SNED1: variants seen among roughly 807,000 people sequenced by gnomAD.
The protein encoded by SNED1 is sushi, nidogen and EGF like domains 1.
Under a neutral mutation model 166.7 loss-of-function variants are expected in SNED1, and 81 were observed. That is an observed-to-expected ratio of 0.49 (90% CI 0.41 to 0.58). The LOEUF (loss-of-function observed/expected upper bound fraction) is 0.58, where lower values mean the gene tolerates loss of function less well. SNED1 is among the 20% of genes least tolerant of loss of function. The pLI, the probability that SNED1 is intolerant of heterozygous loss-of-function variation, is 0.00. For missense variants in SNED1, 1,604 were observed against 2,000.2 expected (o/e 0.80, Z 3.78); for synonymous variants, 762 against 822.0 (o/e 0.93, Z 1.25).
intron 20 of SNED1, 106 bp from the exon 21 acceptor site, chr2:241,065,193 G>C: frequency 8.5e-7 from 1 of 1,179,386 alleles, no homozygotes; most frequent in Non-Finnish European, 1.2e-6. Flanking sequence ...AGCGATGGCT[G>C]TGTCAGGCCC....
rs369639200 is a variant in SNED1, at chr2:241,063,627, G to A, written c.2412G>A (p.Gly804=). ...ECRAHPCRNG[G]SCRNLPGAYV... ...GAGCTCACCCGTGCAGAAATGGAGG[G>A]TCCTGCAGGAACCTCCCAGGGGCCT... The change falls in exon 18 of 32, where the codon GGG becomes GGA. Residue 804 remains glycine (G), a synonymous_variant. Transcript: ENST00000310397. The A allele has an allele frequency of 6.2e-7, 1 of 1,612,046 alleles. No homozygotes were observed. Among genetic ancestry groups the A allele is most frequent in the Non-Finnish European group, 8.5e-7 (1 of 1,179,158 alleles).
chr2:241,065,150 G>T, intron 20 of SNED1, 149 bp from the exon 21 acceptor site: 1 of 857,092 alleles, frequency 1.2e-6, no homozygotes, highest in South Asian at 1.7e-5. Context: ...CCCTCCTGGA[G>T]GTACGTGGCC....
Position 241,063,709 on chromosome 2 carries a change from T to C in SNED1, c.2485+9T>C. The C allele has an allele frequency of 6.5e-7, 1 of 1,546,548 alleles. No individual in the cohort carries two copies. The highest frequency in any genetic ancestry group is 8.9e-7 in the Non-Finnish European group (1 of 1,124,832). On this transcript the variant is annotated intron_variant, in intron 18 of 31. Coordinates refer to ENST00000310397, the MANE Select transcript of SNED1 (RefSeq NM_001080437.3). ...AGTCCACTGTGAGACAGGTAGGGGC[T>C]CCCTCCAGTGGGCCCCACATGCAGA...
At chr2:241,082,194 C>G (rs570785354) in intron 28 of SNED1, 83 bp from the exon 29 acceptor site, 1 of 1,154,644 alleles carries the variant, frequency 8.7e-7, no homozygotes, top group Admixed American at 2.0e-5. Context: ...CCCCCGGGCC[C>G]TCTCCCTTGG....
At chr2:241,059,158 A>G (rs2062155983) in intron 16 of SNED1, among the ~76,000 whole-genome samples, 1 of 152,228 alleles carries the variant, frequency 6.6e-6, no homozygotes, top group African/African-American at 2.4e-5. Flanking sequence ...CTTAGGGGAA[A>G]TGGATACCCT....
chr2:241,089,373 A>T, intron 31 of SNED1: 1 of 1,550,734 alleles, frequency 6.4e-7, no homozygotes, highest in Non-Finnish European at 8.7e-7. Flanking sequence ...TGCCTAAAAA[A>T]ATAAAGGAGA....
Position 241,013,055 on chromosome 2 carries a change from C to T in SNED1, c.213+14005C>T, listed in dbSNP as rs544442588. Among the ~76,000 whole-genome samples the T allele has an allele frequency of 1.3e-5, 2 of 152,064 alleles. No individual in the cohort carries two copies. The highest frequency in any genetic ancestry group is 2.4e-5 in the African/African-American group (1 of 41,418). On this transcript the variant is annotated intron_variant, in intron 1 of 31. Transcript: ENST00000310397. This position sits in a 1 kb window ranked among gnomAD's most constrained non-coding sequence, Gnocchi z 4.6. ...TTCACCATGTTAGCCAGGATGGTCT[C>T]GATCTCCTGACCTCGTGATCCGCCT...
At chr2:241,004,870 C>T (rs1157782158) in intron 1 of SNED1, among the ~76,000 whole-genome samples, 2 of 151,974 alleles carry the variant, frequency 1.3e-5, no homozygotes, top group Non-Finnish European at 1.5e-5. Context: ...TATAGGCGCC[C>T]ACGACCACAC....
intron 1 of SNED1, among the ~76,000 whole-genome samples, chr2:241,006,408 G>C (rs1011655761): frequency 6.6e-6 from 1 of 152,200 alleles, no homozygotes; most frequent in Non-Finnish European, 1.5e-5. Context: ...AAAGTGAAAA[G>C]AATGGTGAAC....
chr2:241,063,739 G>A, intron 18 of SNED1, 39 bp downstream of exon 18: 3 of 1,400,292 alleles, frequency 2.1e-6, no homozygotes, highest in Non-Finnish European at 3.0e-6. Context: ...TGCAGAGCCT[G>A]GGCCTCTGGA....
chr2:241,044,738 A>C (rs774754181), intron 8 of SNED1, among the ~76,000 whole-genome samples: 1 of 152,206 alleles, frequency 6.6e-6, no homozygotes, highest in African/African-American at 2.4e-5. Context: ...CTTCCTCTCC[A>C]GTTGGAGGTG....
At position 241,064,229 on chromosome 2, in the gene SNED1, C is replaced by T; in HGVS notation, c.2599+104C>T. The T allele has an allele frequency of 5.2e-6, 4 of 766,808 alleles. No individual in the cohort carries two copies. The highest frequency in any genetic ancestry group is 5.8e-5 in the East Asian group (2 of 34,782). The allele number at this position is 766,808 out of a possible 1,614,324, so 47.5% of individuals were successfully genotyped here. A position where few individuals can be genotyped will look rare whatever the true frequency, so the allele number is the denominator to read the frequency against. ...GCCCGCCTGCTCCCCGCCCTCTGCCCGCCTGCTCCCCGCCCTCTGCCCGCC... is the reference window on the plus strand; with the variant it reads ...GCCCGCCTGCTCCCCGCCCTCTGCCTGCCTGCTCCCCGCCCTCTGCCCGCC... On this transcript the variant is annotated intron_variant, in intron 19 of 31. Transcript: ENST00000310397. The surrounding 1 kb of genome is among the most constrained non-coding windows in gnomAD (Gnocchi z 7.0).
At chr2:241,050,344 C>T (rs1171728477) in intron 12 of SNED1, among the ~76,000 whole-genome samples, 1 of 152,184 alleles carries the variant, frequency 6.6e-6, no homozygotes, top group African/African-American at 2.4e-5. Context: ...ACACTGCAGG[C>T]GTAGCTATCC....
At chr2:241,007,651 C>T (rs1158147261) in intron 1 of SNED1, among the ~76,000 whole-genome samples, 1 of 152,114 alleles carries the variant, frequency 6.6e-6, no homozygotes, top group South Asian at 2.1e-4. Context: ...TATCTGTTTT[C>T]AAGGGTAGGG....
intron 31 of SNED1, chr2:241,088,675 G>C (rs2063711204): frequency 1.5e-5 from 7 of 463,830 alleles, no homozygotes; most frequent in South Asian, 1.5e-4. Context: ...TCTCTCTCAA[G>C]GGAAATGTGG....
At position 241,030,361 on chromosome 2, in the gene SNED1, C is replaced by T. The variant is rs911975843; in HGVS notation, c.291C>T (p.Asp97=). Residue 97 remains aspartate (D), a synonymous_variant, in exon 2 of 32, where the codon GAC becomes GAT. Coordinates refer to ENST00000310397, the MANE Select transcript of SNED1 (RefSeq NM_001080437.3). ...FTPVAFPIAK[D]RCVVAAFWAD... is the part of the protein sequence containing the mutation. ...CAGTGGCCTTCCCCATTGCCAAGGA[C>T]CGCTGCGTGGTGGCAGCCTTCTGGG... 2.5e-6 allele frequency: 4 copies of T among 1,611,066 alleles called. No individual in the cohort carries two copies. The highest frequency in any genetic ancestry group is 2.5e-6 in the Non-Finnish European group (3 of 1,178,714).
intron 8 of SNED1, chr2:241,040,781 T>G: frequency 2.1e-6 from 1 of 471,918 alleles, no homozygotes; most frequent in Non-Finnish European, 4.3e-6. Context: ...AACATCTTCC[T>G]CTCCTACTCT....
chr2:241,049,668 A>C, intron 11 of SNED1, 149 bp from the exon 12 acceptor site: 1 of 621,406 alleles, frequency 1.6e-6, no homozygotes, highest in Non-Finnish European at 2.9e-6. Flanking sequence ...ACTCTGAGGA[A>C]TCAAGATGCC....
chr2:241,011,869 CGCTGCCCTGTCCTG>C (rs1262802744), intron 1 of SNED1, among the ~76,000 whole-genome samples: 3 of 152,350 alleles, frequency 2.0e-5, no homozygotes, highest in Admixed American at 6.5e-5. Flanking sequence ...GCGGTGCTGG[CGCTGCCCTGTCCTG>C]GCTGCCCTGT....
Sources: gnomAD v4.1 joint callset for allele counts (sites outside exome capture counted in the v4.1 genomes callset) on GRCh38, gnomAD v4.1.1 for gene constraint, Gnocchi (gnomAD v3.1) non-coding constraint, MANE v1.5 for transcripts, NCBI Gene and HGNC (gene_info 2026-07-23, HGNC 2026-07-21) for gene names.